Variants in C2CD2L observed in about 807,000 individuals in gnomAD.
C2CD2L encodes the protein C2CD2 like.
In C2CD2L, 24 loss-of-function variants were observed where a neutral mutation model predicts 69.9. That is an observed-to-expected ratio of 0.34 (90% CI 0.25 to 0.48). C2CD2L has a LOEUF of 0.48. Ranked by LOEUF, C2CD2L falls within the 20% of genes least tolerant of loss-of-function variation. The pLI is 0.99. For missense variants in C2CD2L, 811 were observed against 941.5 expected, an observed-to-expected ratio of 0.86 and a Z score of 1.81; for synonymous variants, 367 against 391.0, an observed-to-expected ratio of 0.94 and a Z score of 0.72.
rs1049940998 is a variant in C2CD2L at position 119,109,379 on chromosome 11, C to T, written c.355-725C>T. On this transcript the variant is annotated intron_variant, in intron 1 of 13. Transcript: ENST00000648610. This position sits in a 1 kb window ranked among gnomAD's most constrained non-coding sequence, Gnocchi z 5.1. ...GGTAGGTTGCTTCCATTACTGTGGA[C>T]GAATTAGGGAGCAGCTCTTTTGAGA... is the stretch of plus-strand genomic sequence containing the variant. Among the ~76,000 whole-genome samples the T allele has an allele frequency of 2.0e-5, 3 of 152,178 alleles. No homozygotes were observed. The East Asian group carries it at 5.8e-4, about 29-fold the overall frequency.
At position 119,116,201 on chromosome 11, in the gene C2CD2L, G is replaced by C; in HGVS notation, c.2066G>C (p.Arg689Pro). ...AGSFSRRLIK[R>P]FSFKSKPKAN... ...AGCTTTTCTCGCCGCCTTATCAAGC[G>C]CTTTTCCTTCAAATCCAAACCCAAG... The change falls in exon 14 of 14, where the codon CGC (arginine) becomes CCC (proline). Residue 689 changes from arginine (R) to proline (P), a missense_variant. Transcript: ENST00000648610. The C allele has an allele frequency of 1.2e-6, 2 of 1,614,240 alleles. No homozygotes were observed. The highest frequency in any genetic ancestry group is 1.1e-5 in the South Asian group (1 of 91,088).
chr11:119,116,227 G>GCCC lies in C2CD2L; in HGVS notation c.2094_2095insCCC (p.Ala698_Asn699insPro). 6.2e-7 allele frequency: 1 copy of GCCC among 1,614,196 alleles called. No individual in the cohort carries two copies. The highest frequency in any genetic ancestry group is 2.2e-5 in the East Asian group (1 of 44,882). Reference sequence around the variant, plus strand: ...CTTTTCCTTCAAATCCAAACCCAAGGCCAATGGTAACCCCAGCCCCCAGCT... The same window carrying GCCC: ...CTTTTCCTTCAAATCCAAACCCAAGGCCCCCAATGGTAACCCCAGCCCCCAGCT... On this transcript the variant is annotated inframe_insertion, in exon 14 of 14. Transcript: ENST00000648610.
At position 119,114,108 on chromosome 11, in the gene C2CD2L, T is replaced by C; in HGVS notation, c.1652T>C (p.Leu551Pro). Residue 551 changes from leucine to proline, a missense_variant, in exon 13 of 14, where the codon CTA becomes CCA. Transcript: ENST00000648610. This position sits in a 1 kb window ranked among gnomAD's most constrained non-coding sequence, Gnocchi z 5.1. Reference sequence around the variant, plus strand: ...CCCATTGCTCAGGACGAGTTGGCGCTATCCCTGGGCTATGCGGCATCCCTG... The same window carrying C: ...CCCATTGCTCAGGACGAGTTGGCGCCATCCCTGGGCTATGCGGCATCCCTG... The part of the protein sequence containing the change: ...KVPIAQDELA[L>P]SLGYAASLEA... 2 of 1,614,138 alleles carry C rather than the reference T, an allele frequency of 1.2e-6. No individual in the cohort carries two copies. The highest frequency in any genetic ancestry group is 1.7e-6 in the Non-Finnish European group (2 of 1,180,010).
rs1946824661 is a variant in C2CD2L, at chr11:119,114,133, G to A, written c.1677G>A (p.Leu559=). Residue 559 remains leucine, a synonymous_variant, in exon 13 of 14, where the codon CTG becomes CTA. Transcript: ENST00000648610. This position sits in a 1 kb window ranked among gnomAD's most constrained non-coding sequence, Gnocchi z 5.1. ...LALSLGYAAS[L]EASVQDDAGT... ...TATCCCTGGGCTATGCGGCATCCCTGGAAGCCTCAGTGCAGGATGATGCAG... is the reference window on the plus strand; with the variant it reads ...TATCCCTGGGCTATGCGGCATCCCTAGAAGCCTCAGTGCAGGATGATGCAG... 3 of 1,614,150 alleles carry A rather than the reference G, an allele frequency of 1.9e-6. No homozygotes were observed. The highest frequency in any genetic ancestry group is 2.5e-6 in the Non-Finnish European group (3 of 1,180,004).
chr11:119,115,795 A>G (rs1946870939), intron 13 of C2CD2L: 1 of 587,502 alleles, frequency 1.7e-6, no homozygotes. Flanking sequence ...GATCCCCACA[A>G]GTACCACGAT....
Position 119,112,555 on chromosome 11 carries a change from A to G in C2CD2L, c.1158A>G (p.Pro386=). Residue 386 remains proline (P), a synonymous_variant, in exon 9 of 14, where the codon CCA becomes CCG. Transcript: ENST00000648610. Reference sequence around the variant, plus strand: ...CACTGTCTCGAAGACAGTTGTGCCCACTCACCCCAGGGCCAGGGAAAGCCC... The same window carrying G: ...CACTGTCTCGAAGACAGTTGTGCCCGCTCACCCCAGGGCCAGGGAAAGCCC... ...SRPLSRRQLC[P]LTPGPGKALG... 6.2e-7 allele frequency: 1 copy of G among 1,612,928 alleles called. No individual in the cohort carries two copies. The highest frequency in any genetic ancestry group is 8.5e-7 in the Non-Finnish European group (1 of 1,179,688).
At position 119,116,941 on chromosome 11, in the gene C2CD2L, G is replaced by T. The variant is rs1946909872; in HGVS notation, c.*685G>T. 6.5e-6 allele frequency: 1 copy of T among 153,072 alleles called. No homozygotes were observed. 9.5% of individuals were successfully genotyped at this position (153,072 alleles called of 1,614,324 possible). A position where few individuals can be genotyped will look rare whatever the true frequency, so the allele number is the denominator to read the frequency against. On this transcript the variant is annotated 3_prime_UTR_variant, in exon 14 of 14. Coordinates refer to ENST00000648610, the MANE Select transcript of C2CD2L (RefSeq NM_001290474.2). ...GTGAGCAGTGGCTCTGTGGGAAGGA[G>T]GGAGCCGGGAGCCTGGTGGGAAGCC...
At chr11:119,102,280 G>A, upstream of C2CD2L, 1 of 475,268 alleles carries the variant, frequency 2.1e-6, no homozygotes, top group South Asian at 1.5e-5. Flanking sequence ...CAGGAAGATG[G>A]CTATTGAAAG....
chr11:119,114,068 C>A lies in C2CD2L; in HGVS notation c.1624-12C>A. On this transcript the variant is annotated splice_polypyrimidine_tract_variant and intron_variant, in intron 12 of 13. Transcript: ENST00000648610. This position sits in a 1 kb window ranked among gnomAD's most constrained non-coding sequence, Gnocchi z 5.1. ...GTCACTCCTGCCCATTAAAACCCGT[C>A]CCTCCTGCCAGGTGCCCATTGCTCA... is the stretch of plus-strand genomic sequence containing the variant. The A allele has an allele frequency of 6.2e-7, 1 of 1,613,936 alleles. No individual in the cohort carries two copies. Among genetic ancestry groups the A allele is most frequent in the Non-Finnish European group, 8.5e-7 (1 of 1,179,844 alleles).
chr11:119,112,591 A>T lies in C2CD2L; in HGVS notation c.1194A>T (p.Ala398=). ...GGCCAGGGAAAGCCCTGGGACCAGC[A>T]GCCACCATGGCAGTGGAGGTGAGAA... ...TPGPGKALGP[A]ATMAVELHYE... The change falls in exon 9 of 14, where the codon GCA becomes GCT. Residue 398 remains alanine, a synonymous_variant. Coordinates refer to ENST00000648610, the MANE Select transcript of C2CD2L (RefSeq NM_001290474.2). 6.2e-7 allele frequency: 1 copy of T among 1,610,926 alleles called. No homozygotes were observed. The highest frequency in any genetic ancestry group is 8.5e-7 in the Non-Finnish European group (1 of 1,178,944).
At chr11:119,113,498 T>C in intron 10 of C2CD2L, 113 bp from the exon 11 acceptor site, 3 of 1,449,226 alleles carry the variant, frequency 2.1e-6, no homozygotes, top group Non-Finnish European at 2.8e-6. Flanking sequence ...TTAATCACCC[T>C]TTAATCATTC....
At position 119,107,374 on chromosome 11, in the gene C2CD2L, G is replaced by T; in HGVS notation, c.-368G>T. On this transcript the variant is annotated 5_prime_UTR_variant, in exon 1 of 14. Transcript: ENST00000648610. This position sits in a 1 kb window ranked among gnomAD's most constrained non-coding sequence, Gnocchi z 5.4. ...TGTCAGTGTCAGCTCTGCGCACGCAGCCCTCCCGGAGCCGGTGCCGGCCCG... is the reference window on the plus strand; with the variant it reads ...TGTCAGTGTCAGCTCTGCGCACGCATCCCTCCCGGAGCCGGTGCCGGCCCG... 1 of 173,696 alleles carries T rather than the reference G, an allele frequency of 5.8e-6. No homozygotes were observed. Among genetic ancestry groups the T allele is most frequent in the Non-Finnish European group, 1.2e-5 (1 of 82,554 alleles). The allele number at this position is 173,696 out of a possible 1,614,324, so 10.8% of individuals were successfully genotyped here. A position where few individuals can be genotyped will look rare whatever the true frequency, so the allele number is the denominator to read the frequency against.
chr11:119,113,648 C>A lies in C2CD2L; in HGVS notation c.1425C>A (p.Thr475=). Residue 475 remains threonine, a synonymous_variant, in exon 11 of 14, where the codon ACC becomes ACA. Coordinates refer to ENST00000648610, the MANE Select transcript of C2CD2L (RefSeq NM_001290474.2). The stretch of plus-strand genomic sequence containing the variant: ...GCTCCCCGTCCAAGGTGGAGGTGAC[C>A]GAGAAGACGACAACTGTGCTGAGTG... The part of the protein sequence containing the change: ...PSRSPSKVEV[T]EKTTTVLSES... The A allele has an allele frequency of 6.2e-7, 1 of 1,613,864 alleles. No homozygotes were observed.
chr11:119,107,860 C>A lies in C2CD2L; in HGVS notation c.119C>A (p.Ala40Glu), dbSNP rs944890402. The change falls in exon 1 of 14, where the codon GCG (alanine) becomes GAG (glutamate). Residue 40 changes from alanine (A) to glutamate (E), a missense_variant. Physicochemically the swap from Ala to Glu is moderately radical, Grantham distance 107. Transcript: ENST00000648610. The surrounding 1 kb of genome is among the most constrained non-coding windows in gnomAD (Gnocchi z 5.4). ...LLQYARGLWL[A>E]RARGDRGPGP... ...CAATATGCCCGGGGCTTGTGGCTGG[C>A]GCGGGCCCGCGGGGACCGGGGCCCG... 1 of 1,515,810 alleles carries A rather than the reference C, an allele frequency of 6.6e-7. No homozygotes were observed. Among genetic ancestry groups the A allele is most frequent in the Non-Finnish European group, 8.8e-7 (1 of 1,142,040 alleles). 93.9% of individuals were successfully genotyped at this position (1,515,810 alleles called of 1,614,324 possible).
rs960523588 is a variant in C2CD2L at position 119,109,757 on chromosome 11, A to G, written c.355-347A>G. 5.3e-5 allele frequency among the ~76,000 whole-genome samples: 8 copies of G among 151,852 alleles called. No homozygotes were observed. The highest frequency in any genetic ancestry group is 1.9e-4 in the African/African-American group (8 of 41,304). On this transcript the variant is annotated intron_variant, in intron 1 of 13. Coordinates refer to ENST00000648610, the MANE Select transcript of C2CD2L (RefSeq NM_001290474.2). This position sits in a 1 kb window ranked among gnomAD's most constrained non-coding sequence, Gnocchi z 5.1. The stretch of plus-strand genomic sequence containing the variant: ...ATGTAGGATTTTTTGTTTGTTTGTT[A>G]TTTGTTTTTTTAGGGGGTAGGGTAG...
In C2CD2L at chr11:119,114,500, T is replaced by A; in HGVS notation, c.1909+135T>A. 1 of 858,800 alleles carries A rather than the reference T, an allele frequency of 1.2e-6. No homozygotes were observed. Among genetic ancestry groups the A allele is most frequent in the Non-Finnish European group, 1.8e-6 (1 of 553,214 alleles). 53.2% of individuals were successfully genotyped at this position (858,800 alleles called of 1,614,324 possible). On this transcript the variant is annotated intron_variant, in intron 13 of 13. Coordinates refer to ENST00000648610, the MANE Select transcript of C2CD2L (RefSeq NM_001290474.2). This position sits in a 1 kb window ranked among gnomAD's most constrained non-coding sequence, Gnocchi z 5.1. ...GATTCCCAGCCTAGTTCAGCCAAGC[T>A]AGCCTAGAGGGGGATCTTGGTGCCT...
chr11:119,108,020 C>T lies in C2CD2L; in HGVS notation c.279C>T (p.Phe93=), dbSNP rs759251799. ...PGVRGLLASL[F]AFKSFRENWQ... is the part of the protein sequence containing the mutation. ...TCCGGGGCCTCCTGGCGTCACTCTT[C>T]GCCTTCAAGTCTTTCCGGGAGAACT... The change falls in exon 1 of 14, where the codon TTC becomes TTT. Residue 93 remains phenylalanine, a synonymous_variant. Coordinates refer to ENST00000648610, the MANE Select transcript of C2CD2L (RefSeq NM_001290474.2). 1.9e-6 allele frequency: 3 copies of T among 1,597,160 alleles called. No homozygotes were observed. The highest frequency in any genetic ancestry group is 2.6e-6 in the Non-Finnish European group (3 of 1,173,486).
chr11:119,113,044 C>T, intron 10 of C2CD2L, 170 bp downstream of exon 10: 1 of 629,932 alleles, frequency 1.6e-6, no homozygotes, highest in Non-Finnish European at 2.7e-6. Flanking sequence ...TCCAAACTTT[C>T]CCTTACCTCC....
Position 119,110,654 on chromosome 11 carries a change from G to C in C2CD2L, c.544G>C (p.Val182Leu). 2 of 1,613,738 alleles carry C rather than the reference G, an allele frequency of 1.2e-6. No homozygotes were observed. The highest frequency in any genetic ancestry group is 8.5e-7 in the Non-Finnish European group (1 of 1,179,996). The change falls in exon 3 of 14, where the codon GTC (valine) becomes CTC (leucine). Residue 182 changes from valine to leucine, a missense_variant. By Grantham distance (32) the Val-to-Leu change is conservative (BLOSUM62 1). Transcript: ENST00000648610. The surrounding 1 kb of genome is among the most constrained non-coding windows in gnomAD (Gnocchi z 5.7). The stretch of plus-strand genomic sequence containing the variant: ...TGCCGTCTCCATGGAGACCTACCAC[G>C]TCACTCTGACACTGCCACCAACACA... ...PAAVSMETYHVTLTLPPTQLE... is the reference protein window; with the variant it reads ...PAAVSMETYHLTLTLPPTQLE...
Sources: gnomAD v4.1 joint callset for allele counts (sites outside exome capture counted in the v4.1 genomes callset) on GRCh38, gnomAD v4.1.1 for gene constraint, Gnocchi (gnomAD v3.1) non-coding constraint, MANE v1.5 for transcripts, NCBI Gene and HGNC (gene_info 2026-07-23, HGNC 2026-07-21) for gene names.